Variants in AVEN observed in about 807,000 individuals in gnomAD.
AVEN encodes the protein cell death regulator Aven.
Under a neutral mutation model 38.1 loss-of-function variants are expected in AVEN, and 41 were observed. That is an observed-to-expected ratio of 1.08 (90% CI 0.84 to 1.40). The LOEUF (loss-of-function observed/expected upper bound fraction) is 1.40. Among genes scored for constraint, AVEN ranks in the 40% most tolerant of loss-of-function variants. The pLI is 0.00. For missense variants in AVEN, 605 were observed against 438.8 expected (o/e 1.38, Z -3.38); for synonymous variants, 206 against 171.8 (o/e 1.20, Z -1.56).
downstream of AVEN, among the ~76,000 whole-genome samples, chr15:33,864,357 T>C (rs1486960247): frequency 6.6e-6 from 1 of 151,840 alleles, no homozygotes; most frequent in Non-Finnish European, 1.5e-5. Context: ...CTCCTGTTTA[T>C]CCTTCCCAAC....
chr15:33,879,867 G>A (rs1891411790), intron 2 of AVEN, among the ~76,000 whole-genome samples: 1 of 152,054 alleles, frequency 6.6e-6, no homozygotes, highest in African/African-American at 2.4e-5. Context: ...TCTATAAAGA[G>A]AACAGTAATG....
downstream of AVEN, chr15:33,856,054 A>G (rs1033684281): frequency 6.6e-6 from 1 of 152,156 alleles, no homozygotes; most frequent in Non-Finnish European, 1.5e-5. Context: ...ACTACCTGGT[A>G]AGGCACACGT....
At chr15:33,933,563 AGAGAGAGAGAGAGAGAG>A (rs1403467686) in intron 2 of AVEN, among the ~76,000 whole-genome samples, 4 of 146,218 alleles carry the variant, frequency 2.7e-5, no homozygotes, top group Admixed American at 1.4e-4. Flanking sequence ...AGAGAGAGAG[AGAGAGAGAGAGAGAGAG>A]AACTGAGGCA....
intron 1 of AVEN, among the ~76,000 whole-genome samples, chr15:34,023,724 G>A (rs938058730): frequency 8.5e-5 from 13 of 152,174 alleles, no homozygotes; most frequent in African/African-American, 3.1e-4. Context: ...AAAAGGCCAG[G>A]TGAGCAGTTA....
intron 5 of AVEN, among the ~76,000 whole-genome samples, chr15:34,046,085 TA>T (rs1567487084): frequency 6.6e-6 from 1 of 152,216 alleles, no homozygotes; most frequent in Non-Finnish European, 1.5e-5. Flanking sequence ...CACTCCCAGA[TA>T]ACCACTTATA....
chr15:33,977,774 T>C (rs480616), intron 2 of AVEN, among the ~76,000 whole-genome samples: 117,795 of 151,982 alleles, frequency 0.78, 52,887 homozygotes, highest in Non-Finnish European at 0.98. Context: ...AGGTTTGAAT[T>C]AGAAAGGACT....
intron 2 of AVEN, among the ~76,000 whole-genome samples, chr15:33,931,144 A>G (rs986068857): frequency 2.6e-5 from 4 of 152,040 alleles, no homozygotes; most frequent in African/African-American, 9.7e-5. Flanking sequence ...ACAAACAATG[A>G]GGAAATTATC....
downstream of AVEN, chr15:33,864,112 C>T (rs766605803): frequency 2.5e-6 from 4 of 1,583,702 alleles, no homozygotes; most frequent in South Asian, 1.1e-5. Flanking sequence ...ACCAGAGTAT[C>T]TAATACTATC....
intron 2 of AVEN, among the ~76,000 whole-genome samples, chr15:33,996,970 G>A (rs545858939): frequency 5.3e-4 from 80 of 152,206 alleles, no homozygotes; most frequent in Non-Finnish European, 7.3e-4. Flanking sequence ...AAAAAGATTA[G>A]ATGAATGGCT....
intron 2 of AVEN, among the ~76,000 whole-genome samples, chr15:33,937,799 G>A (rs888271717): frequency 8.6e-5 from 13 of 151,902 alleles, no homozygotes; most frequent in African/African-American, 3.1e-4. Flanking sequence ...GCTCTCACCA[G>A]ACAACAACCC....
Position 33,949,365 on chromosome 15 carries a change from C to T in AVEN, c.445+53667G>A, listed in dbSNP as rs146280974. Among the ~76,000 whole-genome samples the T allele has an allele frequency of 9.8e-3, 1,486 of 152,194 alleles. 23 individuals carry two copies. Among genetic ancestry groups the T allele is most frequent in the African/African-American group, 0.034 (1,417 of 41,516 alleles). ...AGCACAGTAGGGGGTCTATAGTTAT[C>T]GTTAATTTACGCTATATTTCAAAAT... is the stretch of plus-strand genomic sequence containing the variant. On this transcript the variant is annotated intron_variant, in intron 2 of 5. Transcript: ENST00000306730.
downstream of AVEN, among the ~76,000 whole-genome samples, chr15:33,863,805 G>A (rs905332076): frequency 6.6e-6 from 1 of 152,036 alleles, no homozygotes; most frequent in Non-Finnish European, 1.5e-5. Flanking sequence ...ATATTCTATG[G>A]TAAGAATTTG....
At chr15:33,996,153 G>A (rs749839775) in intron 2 of AVEN, among the ~76,000 whole-genome samples, 8 of 152,242 alleles carry the variant, frequency 5.3e-5, no homozygotes, top group Non-Finnish European at 1.2e-4. Flanking sequence ...GCTGAGACTC[G>A]AGTAGGTAAA....
At chr15:33,862,509 C>T (rs1224896126), downstream of AVEN, among the ~76,000 whole-genome samples, 2 of 152,192 alleles carry the variant, frequency 1.3e-5, no homozygotes, top group Non-Finnish European at 2.9e-5. Flanking sequence ...GCTGAGCCCT[C>T]ATCTTTCTTT....
At chr15:34,021,684 G>A (rs538217705) in intron 1 of AVEN, among the ~76,000 whole-genome samples, 14 of 151,974 alleles carry the variant, frequency 9.2e-5, no homozygotes, top group Admixed American at 3.9e-4. Context: ...GTGAAACCCC[G>A]TCTCTACTAA....
intron 2 of AVEN, among the ~76,000 whole-genome samples, chr15:33,899,517 TG>T (rs1290496712): frequency 2.9e-5 from 4 of 135,876 alleles, no homozygotes; most frequent in African/African-American, 8.5e-5. Context: ...TCATCCAGGC[TG>T]GAGTGCAGTG....
intron 2 of AVEN, among the ~76,000 whole-genome samples, chr15:33,891,283 G>A (rs1019796304): frequency 2.6e-5 from 4 of 152,162 alleles, no homozygotes; most frequent in African/African-American, 7.2e-5. Flanking sequence ...TGCACAACGT[G>A]CAGGTTTGAT....
upstream of AVEN, among the ~76,000 whole-genome samples, chr15:34,041,820 G>C (rs1211432235): frequency 6.6e-6 from 1 of 152,086 alleles, no homozygotes; most frequent in Admixed American, 6.5e-5. Context: ...TAAATAATTT[G>C]CTCAAGCTAG....
chr15:33,913,389 TGAG>T (rs1892990692), intron 2 of AVEN, among the ~76,000 whole-genome samples: 1 of 152,186 alleles, frequency 6.6e-6, no homozygotes, highest in East Asian at 1.9e-4. Context: ...CCTCTATTAA[TGAG>T]GAGGATAATA....
Sources: gnomAD v4.1 joint callset for allele counts (sites outside exome capture counted in the v4.1 genomes callset) on GRCh38, gnomAD v4.1.1 for gene constraint, MANE v1.5 for transcripts, NCBI Gene and HGNC (gene_info 2026-07-23, HGNC 2026-07-21) for gene names.